The following LDB2 variants were observed in gnomAD, a reference collection of about 807,000 sequenced individuals.
The protein encoded by LDB2 is LIM domain-binding protein 2.
LDB2 carries 12 observed loss-of-function variants against 44.3 expected under a neutral mutation model. The observed-to-expected ratio is 0.27, with a 90% CI of 0.17 to 0.44. LDB2 has a LOEUF of 0.44. LDB2 is among the 20% of genes least tolerant of loss of function. The probability of loss-of-function intolerance (pLI) is 1.00; values close to 1 mark genes in which losing one functional copy is unlikely to be tolerated. For missense variants in LDB2, 344 were observed against 473.5 expected (o/e 0.73, Z 2.54); for synonymous variants, 164 against 174.8 (o/e 0.94, Z 0.49).
chr4:16,714,591 G>C (rs923153277), intron 2 of LDB2, among the ~76,000 whole-genome samples: 2 of 152,090 alleles, frequency 1.3e-5, no homozygotes, highest in African/African-American at 4.8e-5. Context: ...AAACAGCCCA[G>C]CCTGGTAGTT....
At chr4:16,879,025 A>T (rs1361653531) in intron 1 of LDB2, among the ~76,000 whole-genome samples, 1 of 152,190 alleles carries the variant, frequency 6.6e-6, no homozygotes, top group East Asian at 1.9e-4. Context: ...TGAGTTTTTA[A>T]TTGCTGTACA....
chr4:16,556,752 T>G (rs1739764119), intron 5 of LDB2, among the ~76,000 whole-genome samples: 1 of 152,246 alleles, frequency 6.6e-6, no homozygotes, highest in African/African-American at 2.4e-5. Flanking sequence ...AACATGGTTT[T>G]AACTACGTTT....
intron 2 of LDB2, among the ~76,000 whole-genome samples, chr4:16,739,589 A>ATATATATATATAT (rs56104433): frequency 1.1e-4 from 7 of 64,292 alleles, no homozygotes; most frequent in African/African-American, 4.6e-4. Flanking sequence ...AAAAAAAAAA[A>ATATATATATATAT]ATATATATAT....
chr4:16,863,208 T>C (rs1561474162), intron 1 of LDB2, among the ~76,000 whole-genome samples: 1 of 152,228 alleles, frequency 6.6e-6, no homozygotes. Context: ...AACTTATTAA[T>C]TTAATTCCTC....
intron 2 of LDB2, 108 bp from the exon 3 acceptor site, chr4:16,595,983 G>T: frequency 8.7e-7 from 1 of 1,150,756 alleles, no homozygotes; most frequent in Non-Finnish European, 1.2e-6. Context: ...ATCATCTCAA[G>T]AAACCATACC....
intron 1 of LDB2, among the ~76,000 whole-genome samples, chr4:16,834,469 A>G (rs1270023494): frequency 6.6e-6 from 1 of 152,248 alleles, no homozygotes; most frequent in Non-Finnish European, 1.5e-5. Flanking sequence ...AGTTTGGGAC[A>G]GAATTCCATC....
chr4:16,534,418 C>T (rs80092392), intron 5 of LDB2, among the ~76,000 whole-genome samples: 5,151 of 152,206 alleles, frequency 0.034, 310 homozygotes, highest in African/African-American at 0.12. Flanking sequence ...CTAAACACCC[C>T]GAGCTGGCCT....
At chr4:16,546,262 G>A (rs1182340682) in intron 5 of LDB2, among the ~76,000 whole-genome samples, 3 of 152,176 alleles carry the variant, frequency 2.0e-5, no homozygotes, top group Admixed American at 6.5e-5. Context: ...TAGCCATTTT[G>A]CATTTAAGAA....
At chr4:16,516,523 A>G (rs1723787392) in intron 5 of LDB2, among the ~76,000 whole-genome samples, 1 of 152,218 alleles carries the variant, frequency 6.6e-6, no homozygotes, top group Non-Finnish European at 1.5e-5. Flanking sequence ...TATATTAACA[A>G]AACTATCCTG....
At chr4:16,534,934 A>G (rs1489349894) in intron 5 of LDB2, among the ~76,000 whole-genome samples, 1 of 152,188 alleles carries the variant, frequency 6.6e-6, no homozygotes, top group East Asian at 1.9e-4. Flanking sequence ...CAAACTACAT[A>G]CTAAGAAGTG....
intron 3 of LDB2, among the ~76,000 whole-genome samples, chr4:16,590,142 G>C (rs531739630): frequency 5.3e-4 from 80 of 152,250 alleles, no homozygotes; most frequent in South Asian, 3.3e-3. Context: ...CTTCTCAGGG[G>C]CTCTGCTGGG....
intron 1 of LDB2, among the ~76,000 whole-genome samples, chr4:16,837,748 G>T (rs962178003): frequency 6.6e-6 from 1 of 152,166 alleles, no homozygotes; most frequent in Non-Finnish European, 1.5e-5. Context: ...CTGACAGAAG[G>T]GCTACTCACC....
At chr4:16,600,641 C>CTTA (rs1722323938) in intron 2 of LDB2, among the ~76,000 whole-genome samples, 1 of 152,050 alleles carries the variant, frequency 6.6e-6, no homozygotes, top group Admixed American at 6.6e-5. Context: ...GCTAATTGAG[C>CTTA]TGTGGATCCC....
At chr4:16,703,808 T>C (rs1458727833) in intron 2 of LDB2, among the ~76,000 whole-genome samples, 2 of 152,230 alleles carry the variant, frequency 1.3e-5, no homozygotes, top group Non-Finnish European at 2.9e-5. Context: ...CAAGTAATAA[T>C]ACCACCAATT....
intron 5 of LDB2, among the ~76,000 whole-genome samples, chr4:16,516,890 G>T (rs566323628): frequency 6.6e-6 from 1 of 152,188 alleles, no homozygotes; most frequent in Admixed American, 6.5e-5. Context: ...AGAGTCCGGG[G>T]CTGGAGAGGC....
intron 1 of LDB2, among the ~76,000 whole-genome samples, chr4:16,849,243 A>G (rs1345872939): frequency 6.6e-6 from 1 of 152,140 alleles, no homozygotes; most frequent in African/African-American, 2.4e-5. Context: ...GTCTTTGTTT[A>G]AATATCACTT....
At chr4:16,576,393 A>T (rs1007503555) in intron 5 of LDB2, among the ~76,000 whole-genome samples, 2 of 152,164 alleles carry the variant, frequency 1.3e-5, no homozygotes, top group Non-Finnish European at 2.9e-5. Context: ...TCATAGTTGA[A>T]AAAGGAGACA....
At chr4:16,786,303 C>T (rs1579651127) in intron 1 of LDB2, among the ~76,000 whole-genome samples, 1 of 152,314 alleles carries the variant, frequency 6.6e-6, no homozygotes, top group South Asian at 2.1e-4. Flanking sequence ...TAGTCGGCAT[C>T]GTTATCAACC....
intron 3 of LDB2, among the ~76,000 whole-genome samples, chr4:16,590,548 C>T (rs58398647): frequency 0.3 from 45,469 of 152,112 alleles, 6,914 homozygotes; most frequent in South Asian, 0.35. Context: ...TGCGCTCTAA[C>T]TGAAGGTAAC....
Sources: gnomAD v4.1 joint callset for allele counts (sites outside exome capture counted in the v4.1 genomes callset) on GRCh38, gnomAD v4.1.1 for gene constraint, MANE v1.5 for transcripts, NCBI Gene and HGNC (gene_info 2026-07-23, HGNC 2026-07-21) for gene names.